PDE1C: variants seen among roughly 807,000 people sequenced by gnomAD.
PDE1C encodes phosphodiesterase 1C.
PDE1C carries 62 observed loss-of-function variants against 93.1 expected under a neutral mutation model. The ratio of observed to expected loss-of-function variants is 0.67; its 90% CI spans 0.54 to 0.82. The LOEUF (loss-of-function observed/expected upper bound fraction) is 0.82. Among genes scored for constraint, PDE1C ranks in the 40% least tolerant of loss-of-function variants. PDE1C has a pLI of 0.00. For synonymous variants in PDE1C, 325 were observed against 310.1 expected, an observed-to-expected ratio of 1.05 and a Z score of -0.50; for missense variants, 742 against 884.6, an observed-to-expected ratio of 0.84 and a Z score of 2.04.
chr7:32,032,255 G>A (rs1450043095), intron 2 of PDE1C, among the ~76,000 whole-genome samples: 1 of 152,172 alleles, frequency 6.6e-6, no homozygotes, highest in African/African-American at 2.4e-5. Context: ...TATTTTGGAG[G>A]AGGAGGTGGA....
intron 17 of PDE1C, among the ~76,000 whole-genome samples, chr7:31,763,375 G>T (rs78424302): frequency 0.027 from 4,074 of 152,222 alleles, 87 homozygotes; most frequent in Non-Finnish European, 0.042. Flanking sequence ...ACTAAGAATA[G>T]ATCTAAGACA....
At chr7:31,669,234 ATTTT>A in the PDE1C span, among the ~76,000 whole-genome samples, 10 of 151,560 alleles carry the variant, frequency 6.6e-5, no homozygotes, top group African/African-American at 2.4e-4. Context: ...AATGCTGTAG[ATTTT>A]TTTTCTTCTC....
chr7:31,762,262 T>C (rs1794879264), intron 17 of PDE1C, among the ~76,000 whole-genome samples: 1 of 152,244 alleles, frequency 6.6e-6, no homozygotes, highest in Non-Finnish European at 1.5e-5. Context: ...AGATGTAGTG[T>C]CGTCTAAGGT....
intron 2 of PDE1C, chr7:31,893,450 A>C: frequency 1.0e-6 from 1 of 981,120 alleles, no homozygotes. Context: ...TTAATAGAAA[A>C]AGAAAAGAAG....
Position 32,287,309 on chromosome 7 carries a change from A to G in PDE1C, c.85+11342T>C, listed in dbSNP as rs73308508. Among the ~76,000 whole-genome samples the G allele has an allele frequency of 8.3e-3, 1,270 of 152,262 alleles. 21 individuals carry two copies. The highest frequency in any genetic ancestry group is 0.03 in the African/African-American group (1,230 of 41,546). ...CTTCTTAATGCTCTCACAGCCCTCA[A>G]TAGCCCATCTCCTCCCTCCAGCCAC... On this transcript the variant is annotated intron_variant, in intron 1 of 18. Coordinates refer to the PDE1C transcript ENST00000396193.
intron 16 of PDE1C, among the ~76,000 whole-genome samples, chr7:31,794,046 A>T (rs371010503): frequency 9.5e-6 from 1 of 104,912 alleles, no homozygotes; most frequent in Non-Finnish European, 1.9e-5. Flanking sequence ...ATAGATAGAC[A>T]GACAGACAGA....
At chr7:31,988,292 C>T (rs1298066886) in intron 2 of PDE1C, among the ~76,000 whole-genome samples, 1 of 152,306 alleles carries the variant, frequency 6.6e-6, no homozygotes, top group African/African-American at 2.4e-5. Context: ...CATCAATAGC[C>T]CTAAGTTAAA....
At chr7:31,693,455 C>T in the PDE1C span, among the ~76,000 whole-genome samples, 1 of 152,114 alleles carries the variant, frequency 6.6e-6, no homozygotes, top group Non-Finnish European at 1.5e-5. Context: ...ATACATAGTC[C>T]CAAGAGGCTG....
intron 9 of PDE1C, among the ~76,000 whole-genome samples, chr7:31,838,594 C>G (rs1490208405): frequency 6.6e-6 from 1 of 152,110 alleles, no homozygotes; most frequent in African/African-American, 2.4e-5. Flanking sequence ...CCAGTTTTGA[C>G]AAATGCATAA....
intron 1 of PDE1C, among the ~76,000 whole-genome samples, chr7:32,335,104 G>A (rs565677993): frequency 1.3e-5 from 2 of 152,252 alleles, no homozygotes; most frequent in African/African-American, 4.8e-5. Flanking sequence ...ATAAGCATCT[G>A]TTTGCAAGTG....
intron 2 of PDE1C, among the ~76,000 whole-genome samples, chr7:31,942,546 C>T (rs1340350399): frequency 1.3e-5 from 2 of 152,064 alleles, no homozygotes; most frequent in Non-Finnish European, 2.9e-5. Context: ...GTGTGCTGCC[C>T]TTTGTCTCAC....
chr7:31,699,409 C>T, the PDE1C span, among the ~76,000 whole-genome samples: 3 of 152,194 alleles, frequency 2.0e-5, no homozygotes, highest in Non-Finnish European at 1.5e-5. Flanking sequence ...TGGCAGTATT[C>T]TGTCTTCTTT....
intron 3 of PDE1C, among the ~76,000 whole-genome samples, chr7:32,107,325 G>A (rs1207234141): frequency 6.7e-6 from 1 of 149,234 alleles, no homozygotes; most frequent in Non-Finnish European, 1.5e-5. Context: ...AAGGAAGGGA[G>A]GGAGGAAAGG....
chr7:31,972,031 T>C (rs1222720969), intron 2 of PDE1C, among the ~76,000 whole-genome samples: 1 of 152,136 alleles, frequency 6.6e-6, no homozygotes, highest in Non-Finnish European at 1.5e-5. Flanking sequence ...TGAATTGGAG[T>C]CTGCTTCTTG....
the PDE1C span, among the ~76,000 whole-genome samples, chr7:31,704,981 C>T: frequency 1.3e-5 from 2 of 152,112 alleles, no homozygotes; most frequent in Non-Finnish European, 2.9e-5. Flanking sequence ...TAAGGCTCAT[C>T]CTAAGCAATG....
At chr7:32,086,751 C>G (rs183644393) in intron 3 of PDE1C, among the ~76,000 whole-genome samples, 84 of 152,188 alleles carry the variant, frequency 5.5e-4, no homozygotes, top group African/African-American at 1.3e-3. Context: ...ACAAGCAATG[C>G]GGAAAGGATT....
At chr7:32,099,296 G>C (rs1797926288) in intron 3 of PDE1C, among the ~76,000 whole-genome samples, 1 of 152,142 alleles carries the variant, frequency 6.6e-6, no homozygotes, top group East Asian at 1.9e-4. Flanking sequence ...GTACCTACAG[G>C]AGTAAATGTT....
At chr7:32,394,785 G>A (rs937934568) in intron 1 of PDE1C, among the ~76,000 whole-genome samples, 9 of 152,136 alleles carry the variant, frequency 5.9e-5, no homozygotes, top group African/African-American at 1.9e-4. Flanking sequence ...CTGCACTCCA[G>A]CCTGGGTGAC....
chr7:31,818,500 C>T (rs912583214), intron 14 of PDE1C, among the ~76,000 whole-genome samples: 13 of 152,320 alleles, frequency 8.5e-5, no homozygotes, highest in Middle Eastern at 3.4e-3. Context: ...ATGTACCCTA[C>T]GGGTGTGATT....
Sources: gnomAD v4.1 joint callset for allele counts (sites outside exome capture counted in the v4.1 genomes callset) on GRCh38, gnomAD v4.1.1 for gene constraint, MANE v1.5 for transcripts, NCBI Gene and HGNC (gene_info 2026-07-23, HGNC 2026-07-21) for gene names.